The following PIK3C2G variants were observed in gnomAD, a reference collection of about 807,000 sequenced individuals.
The protein encoded by PIK3C2G is phosphatidylinositol-4-phosphate 3-kinase catalytic subunit type 2 gamma.
In PIK3C2G, 168 loss-of-function variants were observed where a neutral mutation model predicts 181.1. The ratio of observed to expected loss-of-function variants is 0.93; its 90% CI spans 0.82 to 1.05. The LOEUF (loss-of-function observed/expected upper bound fraction) is 1.05. Ranked by LOEUF, PIK3C2G falls within the 50% of genes least tolerant of loss-of-function variation. The pLI is 0.00. For missense variants in PIK3C2G, 1,869 were observed against 1,732.8 expected (o/e 1.08, Z -1.40); for synonymous variants, 573 against 592.2 (o/e 0.97, Z 0.47).
chr12:18,589,760 T>C (rs899020772), intron 29 of PIK3C2G, among the ~76,000 whole-genome samples: 2 of 152,028 alleles, frequency 1.3e-5, no homozygotes, highest in African/African-American at 4.8e-5. Flanking sequence ...ATTTTGCCCA[T>C]GGCATTCTCC....
At chr12:18,659,595 T>C in the PIK3C2G span, among the ~76,000 whole-genome samples, 2 of 152,014 alleles carry the variant, frequency 1.3e-5, no homozygotes, top group African/African-American at 4.8e-5. Context: ...ATATCCACAT[T>C]AGAATCACAC....
At chr12:18,389,081 G>A (rs534740355) in intron 14 of PIK3C2G, among the ~76,000 whole-genome samples, 3 of 152,232 alleles carry the variant, frequency 2.0e-5, no homozygotes, top group South Asian at 2.1e-4. Context: ...AGCCAGGTGC[G>A]GTGGCTCACG....
chr12:18,543,567 T>TA (rs1209791231), intron 25 of PIK3C2G, among the ~76,000 whole-genome samples: 1 of 152,004 alleles, frequency 6.6e-6, no homozygotes, highest in Non-Finnish European at 1.5e-5. Flanking sequence ...GATTTTTATA[T>TA]ATGGTGTAAG....
intron 31 of PIK3C2G, among the ~76,000 whole-genome samples, chr12:18,635,382 A>G (rs1405149019): frequency 2.6e-5 from 4 of 152,106 alleles, no homozygotes; most frequent in African/African-American, 4.8e-5. Context: ...GCGTATACCG[A>G]TTTCATTTGA....
At chr12:18,272,938 T>C (rs955184435) in intron 1 of PIK3C2G, among the ~76,000 whole-genome samples, 1 of 151,838 alleles carries the variant, frequency 6.6e-6, no homozygotes, top group Non-Finnish European at 1.5e-5. Context: ...TGTACTGAAA[T>C]GAACATTACT....
intron 24 of PIK3C2G, among the ~76,000 whole-genome samples, chr12:18,537,615 T>A (rs1943928770): frequency 6.6e-6 from 1 of 152,090 alleles, no homozygotes; most frequent in African/African-American, 2.4e-5. Flanking sequence ...GCGTTTTTAC[T>A]GGGTCCAGTG....
the PIK3C2G span, among the ~76,000 whole-genome samples, chr12:18,686,360 T>A: frequency 2.0e-5 from 3 of 152,132 alleles, no homozygotes; most frequent in Non-Finnish European, 2.9e-5. Flanking sequence ...CACCTTAGCA[T>A]GGCTTTTGAG....
chr12:18,521,781 T>C (rs1415938041), intron 24 of PIK3C2G, among the ~76,000 whole-genome samples: 2 of 152,234 alleles, frequency 1.3e-5, no homozygotes, highest in African/African-American at 4.8e-5. Flanking sequence ...GCAGCTGTGG[T>C]GCTGGCCACC....
chr12:18,594,934 A>C (rs1947278688), intron 30 of PIK3C2G, among the ~76,000 whole-genome samples: 1 of 152,072 alleles, frequency 6.6e-6, no homozygotes, highest in African/African-American at 2.4e-5. Context: ...ATACATTTGC[A>C]CACATTAAAA....
At chr12:18,243,657 G>T (rs1449175375), upstream of PIK3C2G, among the ~76,000 whole-genome samples, 1 of 151,900 alleles carries the variant, frequency 6.6e-6, no homozygotes, top group Admixed American at 6.6e-5. Context: ...CATCAATTTA[G>T]ATTTCTTTTT....
the PIK3C2G span, among the ~76,000 whole-genome samples, chr12:18,661,474 A>G: frequency 6.6e-6 from 1 of 152,092 alleles, no homozygotes; most frequent in Non-Finnish European, 1.5e-5. Context: ...TAAAAGAAAA[A>G]CAACTGTCAA....
chr12:18,630,078 G>C (rs1314549303), intron 31 of PIK3C2G, among the ~76,000 whole-genome samples: 1 of 151,972 alleles, frequency 6.6e-6, no homozygotes, highest in Non-Finnish European at 1.5e-5. Context: ...TAAAAGAAAG[G>C]AACATTATGA....
chr12:18,668,860 C>T, the PIK3C2G span, among the ~76,000 whole-genome samples: 2 of 152,006 alleles, frequency 1.3e-5, no homozygotes, highest in Admixed American at 6.6e-5. Context: ...GAGCTTACAC[C>T]GGACAAAAAT....
At chr12:18,519,012 G>A (rs893044070) in intron 24 of PIK3C2G, among the ~76,000 whole-genome samples, 1 of 152,166 alleles carries the variant, frequency 6.6e-6, no homozygotes, top group African/African-American at 2.4e-5. Flanking sequence ...TTCAGGAGCT[G>A]GTTGTTCAAT....
intron 8 of PIK3C2G, among the ~76,000 whole-genome samples, chr12:18,330,094 G>A (rs1937772275): frequency 6.6e-6 from 1 of 151,922 alleles, no homozygotes; most frequent in Non-Finnish European, 1.5e-5. Context: ...TATGTGTATT[G>A]TAAATGTCTT....
intron 29 of PIK3C2G, among the ~76,000 whole-genome samples, chr12:18,587,893 T>TAA (rs34143887): frequency 1.4e-5 from 2 of 144,460 alleles, no homozygotes; most frequent in Admixed American, 1.4e-4. Flanking sequence ...TGGTACTGAT[T>TAA]AAAAAAAAAA....
intron 5 of PIK3C2G, among the ~76,000 whole-genome samples, chr12:18,302,531 T>G (rs1950218113): frequency 6.6e-6 from 1 of 152,176 alleles, no homozygotes; most frequent in African/African-American, 2.4e-5. Context: ...TGGGCACTGA[T>G]GACAGGCATT....
intron 11 of PIK3C2G, chr12:18,358,706 A>C (rs1168405364): frequency 4.3e-6 from 2 of 469,434 alleles, no homozygotes; most frequent in East Asian, 1.1e-4. Context: ...GGAACCAAAG[A>C]AAGAGCTTCA....
upstream of PIK3C2G, among the ~76,000 whole-genome samples, chr12:18,246,303 A>G (rs1469033072): frequency 6.6e-6 from 1 of 152,134 alleles, no homozygotes; most frequent in African/African-American, 2.4e-5. Context: ...ACTTAACTAC[A>G]TTGCAGACTT....
Sources: gnomAD v4.1 joint callset for allele counts (sites outside exome capture counted in the v4.1 genomes callset) on GRCh38, gnomAD v4.1.1 for gene constraint, MANE v1.5 for transcripts, NCBI Gene and HGNC (gene_info 2026-07-23, HGNC 2026-07-21) for gene names.